AIFM1: variants seen among roughly 807,000 people sequenced by gnomAD.
AIFM1 encodes apoptosis-inducing factor 1, mitochondrial.
Under a neutral mutation model 51.7 loss-of-function variants are expected in AIFM1, and 3 were observed. The observed-to-expected ratio is 0.06, with a 90% CI of 0.03 to 0.15. The LOEUF (loss-of-function observed/expected upper bound fraction) is 0.15. Among genes scored for constraint, AIFM1 ranks in the 10% least tolerant of loss-of-function variants. The probability of loss-of-function intolerance (pLI) is 1.00; values close to 1 mark genes in which losing one functional copy is unlikely to be tolerated. For missense variants in AIFM1, 330 were observed against 476.8 expected, an observed-to-expected ratio of 0.69 and a Z score of 2.87; for synonymous variants, 178 against 179.4, an observed-to-expected ratio of 0.99 and a Z score of 0.06.
rs1242184469 is a variant in AIFM1, at chrX:130,136,713, G to C, written c.1094C>G (p.Pro365Arg). Residue 365 changes from proline (P) to arginine (R), a missense_variant, in exon 11 of 16, where the codon CCC becomes CGC. Pro to Arg is a moderately radical substitution (Grantham distance 103). Coordinates refer to ENST00000287295, the MANE Select transcript of AIFM1 (RefSeq NM_004208.4). ...KVRREGVKVMPNAIVQSVGVS... is the reference protein window; with the variant it reads ...KVRREGVKVMRNAIVQSVGVS... The stretch of plus-strand genomic sequence containing the variant: ...TCCAACGGATTGCACAATAGCATTG[G>C]GCATCACCTTAACCCCCTCTGTAAA... 8.3e-7 allele frequency: 1 copy of C among 1,209,136 alleles called. No individual in the cohort carries two copies. Among genetic ancestry groups the C allele is most frequent in the Non-Finnish European group, 1.1e-6 (1 of 893,842 alleles).
rs968700176 is a variant in AIFM1, at chrX:130,130,294, T to G, written c.1574-128A>C. The G allele has an allele frequency of 8.0e-6, 6 of 754,284 alleles. No homozygotes were observed. In the African/African-American group the frequency reaches 1.2e-4, roughly 16 times the overall value. 62.2% of individuals were successfully genotyped at this position (754,284 alleles called of 1,213,427 possible). A position where few individuals can be genotyped will look rare whatever the true frequency, so the allele number is the denominator to read the frequency against. On this transcript the variant is annotated intron_variant, in intron 14 of 15. Coordinates refer to ENST00000287295, the MANE Select transcript of AIFM1 (RefSeq NM_004208.4). The stretch of plus-strand genomic sequence containing the variant: ...TTCAAGCTACTTCTAGAGGATTTAT[T>G]TCTCTATGCCCCCTCAGTAAACCCT...
chrX:130,144,991 C>A (rs2030704152), intron 6 of AIFM1, among the ~76,000 whole-genome samples: 1 of 111,974 alleles, frequency 8.9e-6, no homozygotes, highest in Non-Finnish European at 1.9e-5. Context: ...AGTTTACACA[C>A]ACACTCTAGT....
In AIFM1 at chrX:130,136,264, C is replaced by A. The variant is rs1240633025; in HGVS notation, c.1165-79G>T. The A allele has an allele frequency of 3.6e-6, 4 of 1,109,904 alleles. No individual in the cohort carries two copies. In the African/African-American group the frequency reaches 5.4e-5, roughly 15 times the overall value. 91.5% of individuals were successfully genotyped at this position (1,109,904 alleles called of 1,213,427 possible). On this transcript the variant is annotated intron_variant, in intron 11 of 15. Transcript: ENST00000287295. Reference sequence around the variant, plus strand: ...ACAGGCGTAACAATGGCCCTTCATGCCATTAAGAATTGGGACTTTAAAAAA... The same window carrying A: ...ACAGGCGTAACAATGGCCCTTCATGACATTAAGAATTGGGACTTTAAAAAA...
chrX:130,143,431 T>G (rs768956051), intron 6 of AIFM1, among the ~76,000 whole-genome samples: 125 of 111,720 alleles, frequency 1.1e-3, no homozygotes, highest in African/African-American at 4.0e-3. Flanking sequence ...GGCTAGAAAT[T>G]AGAAAATCAT....
intron 10 of AIFM1, 121 bp from the exon 11 acceptor site, chrX:130,136,852 G>T: frequency 9.9e-7 from 1 of 1,007,745 alleles, no homozygotes; most frequent in Non-Finnish European, 1.4e-6. Flanking sequence ...AGGCAGTTTT[G>T]GAGAGCTGCA....
Position 130,153,461 on chromosome X carries a change from T to C in AIFM1, c.249+3000A>G, listed in dbSNP as rs180780115. The stretch of plus-strand genomic sequence containing the variant: ...ACAGGAATTGCCAAAGTAATAGTTA[T>C]ACTTAAGTTAGGAACATTTCTTCAA... On this transcript the variant is annotated intron_variant, in intron 2 of 15. Transcript: ENST00000287295. Among the ~76,000 whole-genome samples the C allele has an allele frequency of 8.2e-5, 9 of 110,220 alleles. No homozygotes were observed. The East Asian group carries it at 2.5e-3, about 31-fold the overall frequency.
intron 4 of AIFM1, 27 bp downstream of exon 4, chrX:130,147,725 T>G: frequency 4.1e-6 from 5 of 1,211,986 alleles, no homozygotes; most frequent in Non-Finnish European, 5.6e-6. Flanking sequence ...GTACCCTCTG[T>G]GCCAAGCAAA....
At position 130,137,890 on chromosome X, in the gene AIFM1, C is replaced by G. The variant is rs760461597; in HGVS notation, c.967+703G>C. 6.4e-3 allele frequency: 1,935 copies of G among 301,237 alleles called. 5 individuals carry two copies. Among genetic ancestry groups the G allele is most frequent in the Non-Finnish European group, 8.1e-3 (1,761 of 217,445 alleles). The allele number at this position is 301,237 out of a possible 1,213,427, so 24.8% of individuals were successfully genotyped here. A position where few individuals can be genotyped will look rare whatever the true frequency, so the allele number is the denominator to read the frequency against. On this transcript the variant is annotated intron_variant, in intron 9 of 15. Coordinates refer to ENST00000287295, the MANE Select transcript of AIFM1 (RefSeq NM_004208.4). ...CCAGCCTGACCAACATGGAGAAACC[C>G]TGTCTCTACCAAAAATACAAAATTA...
intron 12 of AIFM1, among the ~76,000 whole-genome samples, chrX:130,133,929 G>C (rs2030215693): frequency 1.8e-5 from 2 of 110,507 alleles, no homozygotes; most frequent in Admixed American, 9.7e-5. Context: ...ACCACGCCTG[G>C]CCTGAGATCT....
At chrX:130,135,358 A>G (rs1220330380) in intron 12 of AIFM1, among the ~76,000 whole-genome samples, 1 of 106,658 alleles carries the variant, frequency 9.4e-6, no homozygotes, top group Admixed American at 1.0e-4. Flanking sequence ...AAGTGCTGGG[A>G]TTACAGGTGT....
Position 130,133,048 on chromosome X carries a change from C to T in AIFM1, c.1448+265G>A, listed in dbSNP as rs764189700. ...GCTGGTGCCATCTCCATTCATTCAC[C>T]TAGTCTAACATACGCCAGACAGAAC... On this transcript the variant is annotated intron_variant, in intron 13 of 15. Coordinates refer to ENST00000287295, the MANE Select transcript of AIFM1 (RefSeq NM_004208.4). 4.5e-5 allele frequency among the ~76,000 whole-genome samples: 5 copies of T among 111,785 alleles called. No homozygotes were observed. The East Asian group carries it at 1.4e-3, about 31-fold the overall frequency.
chrX:130,135,017 G>A (rs991526871), intron 12 of AIFM1, among the ~76,000 whole-genome samples: 13 of 110,332 alleles, frequency 1.2e-4, no homozygotes, highest in African/African-American at 4.3e-4. Context: ...AATATTAATG[G>A]TTGCTGCAGG....
chrX:130,142,016 T>C (rs754977353), intron 6 of AIFM1, among the ~76,000 whole-genome samples: 1 of 111,613 alleles, frequency 9.0e-6, no homozygotes, highest in Non-Finnish European at 1.9e-5. Flanking sequence ...AGCTTTGGAG[T>C]CAGAGAGAAT....
intron 2 of AIFM1, among the ~76,000 whole-genome samples, chrX:130,151,285 C>T (rs1175593929): frequency 9.1e-6 from 1 of 109,837 alleles, no homozygotes; most frequent in Non-Finnish European, 1.9e-5. Flanking sequence ...GGACTACAGG[C>T]ACACGCCACC....
chrX:130,129,657 C>G, intron 15 of AIFM1, 29 bp from the exon 16 acceptor site: 2 of 1,168,632 alleles, frequency 1.7e-6, no homozygotes, highest in Non-Finnish European at 1.2e-6. Flanking sequence ...CAATAGGTCC[C>G]TAACTTACTC....
intron 3 of AIFM1, among the ~76,000 whole-genome samples, chrX:130,148,108 C>G (rs2030821151): frequency 8.9e-6 from 1 of 112,307 alleles, no homozygotes; most frequent in African/African-American, 3.2e-5. Flanking sequence ...CAATGTCATT[C>G]ATTCATCAGG....
rs2031160169 is a variant in AIFM1, at chrX:130,156,315, A to G, written c.249+146T>C. Reference sequence around the variant, plus strand: ...AATTGGCTCCCATAAGATATTAGGCAGCAGGCACTTAAGAGAAGGCTTTTT... The same window carrying G: ...AATTGGCTCCCATAAGATATTAGGCGGCAGGCACTTAAGAGAAGGCTTTTT... On this transcript the variant is annotated intron_variant, in intron 2 of 15. Coordinates refer to ENST00000287295, the MANE Select transcript of AIFM1 (RefSeq NM_004208.4). The G allele has an allele frequency of 4.5e-6, 3 of 665,274 alleles. No individual in the cohort carries two copies. In the South Asian group the frequency reaches 7.3e-5, roughly 16 times the overall value. 54.8% of individuals were successfully genotyped at this position (665,274 alleles called of 1,213,427 possible).
rs559033824 is a variant in AIFM1 at position 130,136,252 on chromosome X, T to C, written c.1165-67A>G. ...CCATTTATGCCTACAGGCGTAACAA[T>C]GGCCCTTCATGCCATTAAGAATTGG... is the stretch of plus-strand genomic sequence containing the variant. On this transcript the variant is annotated intron_variant, in intron 11 of 15. Coordinates refer to ENST00000287295, the MANE Select transcript of AIFM1 (RefSeq NM_004208.4). The C allele has an allele frequency of 9.2e-5, 104 of 1,124,604 alleles. No homozygotes were observed. The Admixed American group carries it at 2.3e-3, about 25-fold the overall frequency. The allele number at this position is 1,124,604 out of a possible 1,213,427, so 92.7% of individuals were successfully genotyped here.
At chrX:130,129,877 G>A in intron 15 of AIFM1, 93 bp downstream of exon 15, 3 of 1,061,412 alleles carry the variant, frequency 2.8e-6, no homozygotes, top group Non-Finnish European at 1.3e-6. Flanking sequence ...ACCTGGCCGG[G>A]GGACAATGCA....
Sources: gnomAD v4.1 joint callset for allele counts (sites outside exome capture counted in the v4.1 genomes callset) on GRCh38, gnomAD v4.1.1 for gene constraint, MANE v1.5 for transcripts, NCBI Gene and HGNC (gene_info 2026-07-23, HGNC 2026-07-21) for gene names.